Variants in KCNU1 observed in about 807,000 individuals in gnomAD.
KCNU1 encodes potassium calcium-activated channel subfamily U member 1.
In KCNU1, 93 loss-of-function variants were observed where a neutral mutation model predicts 126.8. The observed-to-expected ratio is 0.73, with a 90% CI of 0.62 to 0.87. KCNU1 has a LOEUF of 0.87. Ranked by LOEUF, KCNU1 falls within the 40% of genes least tolerant of loss-of-function variation. The probability of loss-of-function intolerance (pLI) is 0.00; values close to 1 mark genes in which losing one functional copy is unlikely to be tolerated. For missense variants in KCNU1, 1,330 were observed against 1,367.1 expected, an observed-to-expected ratio of 0.97 and a Z score of 0.43; for synonymous variants, 523 against 494.2, an observed-to-expected ratio of 1.06 and a Z score of -0.77.
At chr8:36,832,226 A>G (rs1804579355) in intron 10 of KCNU1, among the ~76,000 whole-genome samples, 1 of 152,118 alleles carries the variant, frequency 6.6e-6, no homozygotes, top group South Asian at 2.1e-4. Context: ...TTGGCTCATG[A>G]TTGACTTCGT....
rs150198700 is a variant in KCNU1, at chr8:36,821,745, G to A, written c.1106+3985G>A. Among the ~76,000 whole-genome samples the A allele has an allele frequency of 1.6e-3, 247 of 152,026 alleles. 1 individual carries two copies. Among genetic ancestry groups the A allele is most frequent in the Admixed American group, 2.8e-3 (43 of 15,254 alleles). Reference sequence around the variant, plus strand: ...AACAATTTTTTTTTACTTTATGATGGTGCAAAAGTCATATGCCTTCAGTAG... The same window carrying A: ...AACAATTTTTTTTTACTTTATGATGATGCAAAAGTCATATGCCTTCAGTAG... On this transcript the variant is annotated intron_variant, in intron 10 of 26. Transcript: ENST00000399881.
chr8:36,833,875 A>G (rs369783597), intron 11 of KCNU1, among the ~76,000 whole-genome samples: 2 of 152,300 alleles, frequency 1.3e-5, no homozygotes, highest in East Asian at 3.9e-4. Flanking sequence ...GTTTGCCAAC[A>G]CTTATATTTA....
intron 2 of KCNU1, among the ~76,000 whole-genome samples, chr8:36,799,042 C>G (rs1051319354): frequency 1.3e-5 from 2 of 152,130 alleles, no homozygotes; most frequent in Non-Finnish European, 2.9e-5. Context: ...TTTTATTGAT[C>G]CCCCAGGCAC....
chr8:36,842,879 C>G (rs1281538061), intron 16 of KCNU1, among the ~76,000 whole-genome samples: 1 of 151,906 alleles, frequency 6.6e-6, no homozygotes, highest in Non-Finnish European at 1.5e-5. Flanking sequence ...CATGTTGGTG[C>G]TCTCAAACTC....
chr8:36,807,248 A>G (rs1236815443), intron 5 of KCNU1, 127 bp from the exon 6 acceptor site: 11 of 717,672 alleles, frequency 1.5e-5, no homozygotes, highest in African/African-American at 8.8e-5. Flanking sequence ...AGCCTATAAC[A>G]TGAGAATAGA....
chr8:36,831,269 T>C (rs1294695176), intron 10 of KCNU1, among the ~76,000 whole-genome samples: 2 of 152,146 alleles, frequency 1.3e-5, no homozygotes, highest in Non-Finnish European at 2.9e-5. Context: ...TTTGGGTATA[T>C]ACCCAGTAAT....
chr8:36,907,421 A>G (rs1807674451), intron 20 of KCNU1, among the ~76,000 whole-genome samples: 2 of 152,128 alleles, frequency 1.3e-5, no homozygotes, highest in South Asian at 2.1e-4. Flanking sequence ...TCAGAAAAGC[A>G]ATTGTTGGAC....
chr8:36,784,698 T>G, intron 1 of KCNU1, 93 bp downstream of exon 1: 1 of 1,021,854 alleles, frequency 9.8e-7, no homozygotes, highest in Non-Finnish European at 1.4e-6. Context: ...TTCATTCAGT[T>G]TTTCAAGCTA....
chr8:36,924,135 G>A (rs1808457717), intron 24 of KCNU1, among the ~76,000 whole-genome samples: 1 of 152,222 alleles, frequency 6.6e-6, no homozygotes. Context: ...CATGAGATCA[G>A]TGTGTAGCCA....
intron 7 of KCNU1, among the ~76,000 whole-genome samples, chr8:36,811,333 G>A (rs1233147569): frequency 6.6e-6 from 1 of 152,010 alleles, no homozygotes; most frequent in Non-Finnish European, 1.5e-5. Flanking sequence ...ATATATTGGA[G>A]CAGTTACGGA....
chr8:36,910,997 T>C lies in KCNU1; in HGVS notation c.2399T>C (p.Leu800Ser). The C allele has an allele frequency of 1.9e-6, 3 of 1,613,676 alleles. No homozygotes were observed. Among genetic ancestry groups the C allele is most frequent in the Non-Finnish European group, 2.5e-6 (3 of 1,179,768 alleles). ...NIEQCSMCAV[L>S]SPPPQPSSNQ... ...GAGCAATGCTCCATGTGTGCTGTCT[T>C]GTCCCCCCCACCCCAGCCATCAAGC... The change falls in exon 22 of 27, where the codon TTG (leucine) becomes TCG (serine). Residue 800 changes from leucine to serine, a missense_variant. Around this residue, in one of 3 missense-constraint regions of KCNU1, gnomAD observed 1,054 missense variants for 1,053.9 expected, o/e 1.00. Transcript: ENST00000399881.
rs1437070264 is a variant in KCNU1, at chr8:36,817,664, G to C, written c.1010G>C (p.Cys337Ser). 1 of 1,609,324 alleles carries C rather than the reference G, an allele frequency of 6.2e-7. No homozygotes were observed. Among genetic ancestry groups the C allele is most frequent in the African/African-American group, 1.3e-5 (1 of 74,906 alleles). Reference sequence around the variant, plus strand: ...TTGCTGCCTAGGTTTATTGTGGTCTGTGGAAACATCACTGTGGACAGTGTG... The same window carrying C: ...TTGCTGCCTAGGTTTATTGTGGTCTCTGGAAACATCACTGTGGACAGTGTG... ...ALKGKKFIVV[C>S]GNITVDSVTA... The change falls in exon 10 of 27, where the codon TGT (cysteine) becomes TCT (serine). Residue 337 changes from cysteine (C) to serine (S), a missense_variant. Transcript: ENST00000399881.
At chr8:36,835,647 C>A (rs980878070) in intron 12 of KCNU1, among the ~76,000 whole-genome samples, 7 of 152,084 alleles carry the variant, frequency 4.6e-5, no homozygotes, top group Non-Finnish European at 1.0e-4. Context: ...GCCTGACCAT[C>A]GGCAAGTATT....
intron 19 of KCNU1, among the ~76,000 whole-genome samples, chr8:36,904,541 T>G (rs1486338209): frequency 1.3e-5 from 2 of 152,188 alleles, no homozygotes; most frequent in Non-Finnish European, 2.9e-5. Context: ...GGGTAGTCTT[T>G]AAAGCTTCTG....
At chr8:36,865,884 G>A (rs184560845) in intron 19 of KCNU1, among the ~76,000 whole-genome samples, 6 of 151,690 alleles carry the variant, frequency 4.0e-5, no homozygotes, top group Admixed American at 1.3e-4. Context: ...GCAGCAACAC[G>A]GATGAACCTA....
At chr8:36,903,505 T>C (rs993571906) in intron 19 of KCNU1, among the ~76,000 whole-genome samples, 9 of 152,136 alleles carry the variant, frequency 5.9e-5, no homozygotes, top group Non-Finnish European at 8.8e-5. Context: ...TAGGGGACAA[T>C]AACAGATACT....
chr8:36,928,978 T>C (rs1178522453), intron 24 of KCNU1: 2 of 698,542 alleles, frequency 2.9e-6, no homozygotes, highest in Admixed American at 4.0e-5. Flanking sequence ...GAAGCAATGA[T>C]AAAGAAAACA....
intron 19 of KCNU1, among the ~76,000 whole-genome samples, chr8:36,875,520 G>A (rs1806250377): frequency 6.6e-6 from 1 of 151,362 alleles, no homozygotes; most frequent in African/African-American, 2.4e-5. Context: ...AAAATAAGGA[G>A]TGGCAAAGTT....
chr8:36,877,413 G>A (rs141726604), intron 19 of KCNU1, among the ~76,000 whole-genome samples: 23 of 150,752 alleles, frequency 1.5e-4, no homozygotes, highest in African/African-American at 4.2e-4. Context: ...AGCAATTCTC[G>A]TGCCTCAGCC....
Sources: allele counts gnomAD v4.1 joint callset (sites outside exome capture counted in the v4.1 genomes callset), GRCh38; gene constraint gnomAD v4.1.1; regional missense constraint gnomAD v4.1.1; transcripts MANE v1.5; gene names NCBI Gene and HGNC (gene_info 2026-07-23, HGNC 2026-07-21).